GPT2: variants seen among roughly 807,000 people sequenced by gnomAD.
GPT2 encodes alanine aminotransferase 2.
In GPT2, 30 loss-of-function variants were observed where a neutral mutation model predicts 56.9. The observed-to-expected ratio is 0.53, with a 90% CI of 0.39 to 0.72. The LOEUF (loss-of-function observed/expected upper bound fraction) is 0.72, where lower values mean the gene tolerates loss of function less well. Among genes scored for constraint, GPT2 ranks in the 30% least tolerant of loss-of-function variants. The pLI is 0.00. For synonymous variants in GPT2, 271 were observed against 283.1 expected (o/e 0.96, Z 0.43); for missense variants, 542 against 703.4 (o/e 0.77, Z 2.60).
chr16:46,912,406 C>A (rs11860484), intron 6 of GPT2, among the ~76,000 whole-genome samples: 21,779 of 152,090 alleles, frequency 0.14, 1,795 homozygotes, highest in African/African-American at 0.22. Context: ...GCCTTACAGC[C>A]GAGCCTCTTC....
intron 9 of GPT2, among the ~76,000 whole-genome samples, chr16:46,923,299 TAA>T (rs1961335066): frequency 6.6e-6 from 1 of 152,080 alleles, no homozygotes; most frequent in African/African-American, 2.4e-5. Context: ...TCATCTCTAC[TAA>T]AAATACAAAA....
chr16:46,893,576 C>T (rs962405126), intron 2 of GPT2, among the ~76,000 whole-genome samples: 6 of 152,232 alleles, frequency 3.9e-5, no homozygotes, highest in African/African-American at 1.2e-4. Context: ...CCATCCGCCC[C>T]TGACCCTCAT....
rs952613570 is a variant in GPT2, at chr16:46,885,011, C to T, written c.243+53C>T. 7.8e-6 allele frequency: 11 copies of T among 1,407,934 alleles called. No homozygotes were observed. In the African/African-American group the frequency reaches 1.6e-4, roughly 21 times the overall value. The allele number at this position is 1,407,934 out of a possible 1,614,324, so 87.2% of individuals were successfully genotyped here. On this transcript the variant is annotated intron_variant, in intron 2 of 11. Coordinates refer to ENST00000340124, the MANE Select transcript of GPT2 (RefSeq NM_133443.4). ...CTGGGGCCGCTGAGCAAGGGAAAAA[C>T]CGCAGCAGCCCCAGCTGGGGTCCTT...
At position 46,906,916 on chromosome 16, in the gene GPT2, G is replaced by C. The variant is rs139850612; in HGVS notation, c.517G>C (p.Gly173Arg). 1.2e-6 allele frequency: 2 copies of C among 1,614,212 alleles called. No individual in the cohort carries two copies. Among genetic ancestry groups the C allele is most frequent in the Non-Finnish European group, 1.7e-6 (2 of 1,180,044 alleles). Reference protein sequence around the residue: ...VAAYITRRDGGVPADPDNIYL... With the variant: ...VAAYITRRDGRVPADPDNIYL... ...TGCCTACATCACCAGGAGGGATGGC[G>C]GTGTGCCTGCGGACCCCGACAACAT... The change falls in exon 5 of 12, where the codon GGT (glycine) becomes CGT (arginine). Residue 173 changes from glycine to arginine, a missense_variant. Gly to Arg is a moderately radical substitution (Grantham distance 125). Transcript: ENST00000340124.
intron 3 of GPT2, among the ~76,000 whole-genome samples, chr16:46,898,040 G>A (rs897933166): frequency 3.3e-5 from 5 of 152,210 alleles, no homozygotes; most frequent in Admixed American, 2.6e-4. Flanking sequence ...AGAGGACAGG[G>A]AAAGGCTGGC....
chr16:46,917,617 T>C (rs1330474686), intron 7 of GPT2, among the ~76,000 whole-genome samples: 1 of 152,116 alleles, frequency 6.6e-6, no homozygotes, highest in Non-Finnish European at 1.5e-5. Context: ...GAGCTGCAGC[T>C]TCTAGCCCGC....
intron 2 of GPT2, among the ~76,000 whole-genome samples, chr16:46,895,497 T>G (rs1901391): frequency 1.3e-5 from 2 of 151,718 alleles, no homozygotes; most frequent in Non-Finnish European, 2.9e-5. Flanking sequence ...TGCACTCCAG[T>G]CTGGGTGACA....
chr16:46,900,925 A>G, intron 4 of GPT2, 135 bp downstream of exon 4: 2 of 649,594 alleles, frequency 3.1e-6, no homozygotes, highest in Non-Finnish European at 5.4e-6. Context: ...CACAGAGTAA[A>G]CAAAAAATAG....
Position 46,929,548 on chromosome 16 carries a change from A to T in GPT2, c.*551A>T, listed in dbSNP as rs1371357963. On this transcript the variant is annotated 3_prime_UTR_variant, in exon 12 of 12. Coordinates refer to ENST00000340124, the MANE Select transcript of GPT2 (RefSeq NM_133443.4). ...CGCAGTAGCACGTGGACTGGGCAGGATGTTGCACTAGCTTGGGGTAGATGC... is the reference window on the plus strand; with the variant it reads ...CGCAGTAGCACGTGGACTGGGCAGGTTGTTGCACTAGCTTGGGGTAGATGC... 2 of 156,002 alleles carry T rather than the reference A, an allele frequency of 1.3e-5. No individual in the cohort carries two copies. The highest frequency in any genetic ancestry group is 2.8e-5 in the Non-Finnish European group (2 of 70,422). The allele number at this position is 156,002 out of a possible 1,614,324, so 9.7% of individuals were successfully genotyped here. A position where few individuals can be genotyped will look rare whatever the true frequency, so the allele number is the denominator to read the frequency against.
At chr16:46,917,322 G>A (rs1961188222) in intron 7 of GPT2, among the ~76,000 whole-genome samples, 1 of 152,144 alleles carries the variant, frequency 6.6e-6, no homozygotes, top group African/African-American at 2.4e-5. Flanking sequence ...AGGGCCAATT[G>A]AGGGGGCTCC....
At chr16:46,886,287 A>AAC (rs2143313821) in intron 2 of GPT2, among the ~76,000 whole-genome samples, 1 of 152,316 alleles carries the variant, frequency 6.6e-6, no homozygotes, top group African/African-American at 2.4e-5. Flanking sequence ...TCCCTGCTAA[A>AAC]ACACAGCTGG....
At chr16:46,927,069 C>A in intron 11 of GPT2, 32 bp downstream of exon 11, 2 of 1,384,850 alleles carry the variant, frequency 1.4e-6, no homozygotes, top group Non-Finnish European at 2.0e-6. Flanking sequence ...AGGGGCTGGT[C>A]CGGGTCTTGT....
chr16:46,929,009 C>T lies in GPT2; in HGVS notation c.*12C>T. 6.2e-7 allele frequency: 1 copy of T among 1,607,226 alleles called. No individual in the cohort carries two copies. Among genetic ancestry groups the T allele is most frequent in the Non-Finnish European group, 8.5e-7 (1 of 1,173,666 alleles). On this transcript the variant is annotated 3_prime_UTR_variant, in exon 12 of 12. Coordinates refer to ENST00000340124, the MANE Select transcript of GPT2 (RefSeq NM_133443.4). ...AGAAGTACGCGTGAGGACGCCTGAG[C>T]CCCAGCGGGAGACCTGTCCTTGGCT...
chr16:46,901,820 G>A (rs1383494666), intron 4 of GPT2, among the ~76,000 whole-genome samples: 1 of 152,208 alleles, frequency 6.6e-6, no homozygotes, highest in Non-Finnish European at 1.5e-5. Flanking sequence ...TCAGGAGGGG[G>A]CCAGCTGCCC....
intron 2 of GPT2, among the ~76,000 whole-genome samples, chr16:46,890,773 CAT>C (rs1391869606): frequency 6.6e-6 from 1 of 152,246 alleles, no homozygotes; most frequent in African/African-American, 2.4e-5. Flanking sequence ...CTTTACCACA[CAT>C]AGTCACCATC....
At chr16:46,887,101 T>C (rs1007169692) in intron 2 of GPT2, among the ~76,000 whole-genome samples, 1 of 152,150 alleles carries the variant, frequency 6.6e-6, no homozygotes, top group Admixed American at 6.6e-5. Flanking sequence ...GTCCTTTCTT[T>C]TTATTTCTGG....
intron 4 of GPT2, among the ~76,000 whole-genome samples, chr16:46,901,395 G>A (rs1960814309): frequency 6.6e-6 from 1 of 152,158 alleles, no homozygotes; most frequent in South Asian, 2.1e-4. Flanking sequence ...TCCACAGAGT[G>A]GACCTGGAAC....
intron 6 of GPT2, chr16:46,916,345 C>CA (rs941780854): frequency 8.1e-6 from 2 of 245,554 alleles, no homozygotes; most frequent in Non-Finnish European, 1.6e-5. Flanking sequence ...GACTCCGTCT[C>CA]AAAAAAATTA....
intron 3 of GPT2, among the ~76,000 whole-genome samples, chr16:46,899,751 C>T (rs1254976401): frequency 6.6e-6 from 1 of 152,242 alleles, no homozygotes; most frequent in African/African-American, 2.4e-5. Context: ...AGTGGCCTCT[C>T]AGGAGAGGTC....
Sources: gnomAD v4.1 joint callset for allele counts (sites outside exome capture counted in the v4.1 genomes callset) on GRCh38, gnomAD v4.1.1 for gene constraint, MANE v1.5 for transcripts, NCBI Gene and HGNC (gene_info 2026-07-23, HGNC 2026-07-21) for gene names.